The following ROS1 variants were observed in gnomAD, a reference collection of about 807,000 sequenced individuals.
ROS1 encodes the protein proto-oncogene tyrosine-protein kinase ROS.
ROS1 carries 263 observed loss-of-function variants against 273.5 expected under a neutral mutation model. The ratio of observed to expected loss-of-function variants is 0.96; its 90% CI spans 0.87 to 1.06. The LOEUF (loss-of-function observed/expected upper bound fraction) is 1.06. Ranked by LOEUF, ROS1 falls within the 50% of genes least tolerant of loss-of-function variation. The pLI is 0.00. For missense variants in ROS1, 2,833 were observed against 2,751.1 expected (o/e 1.03, Z -0.67); for synonymous variants, 1,008 against 954.1 (o/e 1.06, Z -1.04).
At chr6:117,363,228 G>A (rs946961110) in intron 21 of ROS1, among the ~76,000 whole-genome samples, 2 of 152,148 alleles carry the variant, frequency 1.3e-5, no homozygotes, top group African/African-American at 4.8e-5. Flanking sequence ...TGATTTCAGT[G>A]AAGGTGAAAA....
Position 117,354,050 on chromosome 6 carries a change from C to T in ROS1, c.4127-884G>A, listed in dbSNP as rs61471179. ...AGCAATTGAAGATACTTGAATTTTT[C>T]CTCCAAAGAAAATGCTTGATTCCAG... is the stretch of plus-strand genomic sequence containing the variant. On this transcript the variant is annotated intron_variant, in intron 26 of 43. Coordinates refer to ENST00000368507, the MANE Select transcript of ROS1 (RefSeq NM_001378902.1). Among the ~76,000 whole-genome samples, 1,086 of 152,220 alleles carry T rather than the reference C, an allele frequency of 7.1e-3. 9 individuals are homozygous for T. The highest frequency in any genetic ancestry group is 0.024 in the African/African-American group (1,011 of 41,520).
At chr6:117,367,454 G>A (rs928772727) in intron 18 of ROS1, among the ~76,000 whole-genome samples, 3 of 152,216 alleles carry the variant, frequency 2.0e-5, no homozygotes, top group African/African-American at 4.8e-5. Context: ...ACACTGGCCT[G>A]TGTGGGCACC....
chr6:117,350,687 C>CAT (rs1778761504), intron 27 of ROS1, among the ~76,000 whole-genome samples: 1 of 130,044 alleles, frequency 7.7e-6, no homozygotes, highest in African/African-American at 2.9e-5. Flanking sequence ...GGTTTTTTTC[C>CAT]TTTTTTTTTT....
At chr6:117,400,903 T>C (rs997609307) in intron 7 of ROS1, among the ~76,000 whole-genome samples, 2 of 152,216 alleles carry the variant, frequency 1.3e-5, no homozygotes, top group Non-Finnish European at 2.9e-5. Flanking sequence ...TCCAAATCCT[T>C]CCATTTAATT....
At chr6:117,395,469 G>A (rs1582839479) in intron 9 of ROS1, among the ~76,000 whole-genome samples, 1 of 152,238 alleles carries the variant, frequency 6.6e-6, no homozygotes, top group Non-Finnish European at 1.5e-5. Flanking sequence ...ACAGATTAGA[G>A]TAAGGGGCAG....
intron 22 of ROS1, among the ~76,000 whole-genome samples, chr6:117,362,202 A>G (rs1375293130): frequency 1.3e-5 from 2 of 152,058 alleles, no homozygotes; most frequent in Non-Finnish European, 2.9e-5. Flanking sequence ...CACCCAAGCA[A>G]TCCCCTCTTG....
intron 27 of ROS1, among the ~76,000 whole-genome samples, chr6:117,349,910 A>G (rs563338287): frequency 6.6e-5 from 10 of 152,098 alleles, no homozygotes; most frequent in South Asian, 2.1e-4. Context: ...GCTGTGATTC[A>G]TTTTGCTTAA....
intron 18 of ROS1, among the ~76,000 whole-genome samples, chr6:117,376,000 G>T (rs1351654918): frequency 1.3e-5 from 2 of 151,360 alleles, no homozygotes; most frequent in Admixed American, 6.6e-5. Flanking sequence ...GCTAGAAAAA[G>T]AACAGAAAAT....
chr6:117,326,091 TTATATATATATATATATATATATA>T (rs56113300), intron 34 of ROS1, 109 bp downstream of exon 34: 2 of 144,524 alleles, frequency 1.4e-5, no homozygotes, highest in African/African-American at 3.4e-5. Context: ...GATAATAAGA[TTATATATATATATATATATATATA>T]TATATATATA....
At chr6:117,356,963 AT>A (rs1779375342) in intron 25 of ROS1, 48 bp from the exon 26 acceptor site, 7 of 1,462,454 alleles carry the variant, frequency 4.8e-6, no homozygotes, top group Non-Finnish European at 5.6e-6. Context: ...AAAATACATC[AT>A]TTCAAATATT....
rs2128593190 is a variant in ROS1, at chr6:117,329,355, T to C, written c.5322A>G (p.Arg1774=). 1 of 1,548,054 alleles carries C rather than the reference T, an allele frequency of 6.5e-7. No individual in the cohort carries two copies. The highest frequency in any genetic ancestry group is 8.9e-7 in the Non-Finnish European group (1 of 1,120,770). Residue 1774 remains arginine, a synonymous_variant, in exon 33 of 44, where the codon AGA becomes AGG. Coordinates refer to ENST00000368507, the MANE Select transcript of ROS1 (RefSeq NM_001378902.1). ...QWEKAEDNGC[R]ITYYILEIRK... is the part of the protein sequence containing the mutation. ...TTATCTCAAGGATATAGTATGTAAT[T>C]CTACATCCATTATCTTCAGCTTTCT...
chr6:117,316,865 G>A (rs79149142), intron 39 of ROS1, among the ~76,000 whole-genome samples: 2,324 of 152,092 alleles, frequency 0.015, 44 homozygotes, highest in African/African-American at 0.048. Flanking sequence ...CCAACTCCAC[G>A]CTATCCCTGT....
chr6:117,396,366 G>T, intron 8 of ROS1, 102 bp from the exon 9 acceptor site: 1 of 809,268 alleles, frequency 1.2e-6, no homozygotes, highest in South Asian at 1.5e-5. Flanking sequence ...AGGGTGATGT[G>T]GCAATGCATG....
rs2128698834 is a variant in ROS1, at chr6:117,386,991, G to A, written c.2008C>T (p.Pro670Ser). ...VGTTLVPASE[P>S]PFIMAVKEDG... ...TCTTTCACAGCCATGATAAATGGTG[G>A]TTCACTAGCTGTTTAGTAAAAAAGA... Residue 670 changes from proline (P) to serine (S), a missense_variant, in exon 15 of 44, where the codon CCA becomes TCA. Pro to Ser is a moderately conservative substitution (Grantham distance 74). Transcript: ENST00000368507. The A allele has an allele frequency of 6.3e-7, 1 of 1,594,714 alleles. No homozygotes were observed. The highest frequency in any genetic ancestry group is 1.1e-5 in the South Asian group (1 of 90,218).
At chr6:117,404,485 G>GGCACACACTCTCT in intron 5 of ROS1, 57 bp from the exon 6 acceptor site, 2 of 1,528,062 alleles carry the variant, frequency 1.3e-6, no homozygotes, top group Non-Finnish European at 1.8e-6. Flanking sequence ...GCGCAAGAGA[G>GGCACACACTCTCT]TGTGTGCCTC....
At chr6:117,387,081 T>C in intron 14 of ROS1, 82 bp from the exon 15 acceptor site, 1 of 609,462 alleles carries the variant, frequency 1.6e-6, no homozygotes, top group Non-Finnish European at 2.9e-6. Context: ...TATCTATGCC[T>C]TATATCTTAT....
intron 43 of ROS1, among the ~76,000 whole-genome samples, chr6:117,291,657 C>T (rs1308546518): frequency 4.6e-5 from 7 of 152,106 alleles, no homozygotes; most frequent in South Asian, 2.1e-4. Context: ...TAGTAATATC[C>T]GCTTCATAAG....
chr6:117,384,717 T>C (rs1478278648), intron 16 of ROS1, among the ~76,000 whole-genome samples: 1 of 152,166 alleles, frequency 6.6e-6, no homozygotes, highest in Non-Finnish European at 1.5e-5. Flanking sequence ...TTCTCCACCC[T>C]ACTCTGTGCC....
chr6:117,410,589 C>T (rs901006185), intron 4 of ROS1, among the ~76,000 whole-genome samples: 1 of 152,190 alleles, frequency 6.6e-6, no homozygotes, highest in African/African-American at 2.4e-5. Context: ...AACACACACA[C>T]ACATACTTGC....
Sources: allele counts gnomAD v4.1 joint callset (sites outside exome capture counted in the v4.1 genomes callset), GRCh38; gene constraint gnomAD v4.1.1; transcripts MANE v1.5; gene names NCBI Gene and HGNC (gene_info 2026-07-23, HGNC 2026-07-21).